Variants in NOS1AP observed in about 807,000 individuals in gnomAD.
NOS1AP encodes the protein carboxyl-terminal PDZ ligand of neuronal nitric oxide synthase protein.
NOS1AP carries 21 observed loss-of-function variants against 56.2 expected under a neutral mutation model. The ratio of observed to expected loss-of-function variants is 0.37; its 90% confidence interval spans 0.26 to 0.54. NOS1AP has a LOEUF of 0.54. NOS1AP is among the 20% of genes least tolerant of loss of function. The pLI is 0.84. For missense variants in NOS1AP, 522 were observed against 657.8 expected (o/e 0.79, Z 2.26); for synonymous variants, 270 against 274.6 (o/e 0.98, Z 0.17).
intron 6 of NOS1AP, among the ~76,000 whole-genome samples, chr1:162,351,840 C>T (rs1657507243): frequency 6.6e-6 from 1 of 152,094 alleles, no homozygotes; most frequent in Non-Finnish European, 1.5e-5. Flanking sequence ...GTCTTTCTGT[C>T]CACTCTTGAT....
chr1:162,333,195 G>A (rs899000299), intron 5 of NOS1AP, 70 bp downstream of exon 5: 32 of 1,048,856 alleles, frequency 3.1e-5, no homozygotes, highest in Middle Eastern at 2.0e-4. Context: ...ACATTGGCCC[G>A]TCTCCCTGTT....
intron 2 of NOS1AP, among the ~76,000 whole-genome samples, chr1:162,207,146 C>T (rs1652188843): frequency 6.6e-6 from 1 of 152,220 alleles, no homozygotes; most frequent in African/African-American, 2.4e-5. Flanking sequence ...CTTGTTTTAA[C>T]ATGGACCAGG....
intron 6 of NOS1AP, among the ~76,000 whole-genome samples, chr1:162,351,073 G>A (rs1657477411): frequency 6.6e-6 from 1 of 152,110 alleles, no homozygotes; most frequent in Non-Finnish European, 1.5e-5. Flanking sequence ...AAACATAAAT[G>A]GATTTCATGT....
At chr1:162,160,861 C>G (rs967785108) in intron 2 of NOS1AP, among the ~76,000 whole-genome samples, 1 of 152,154 alleles carries the variant, frequency 6.6e-6, no homozygotes, top group African/African-American at 2.4e-5. Context: ...CACAAACTTA[C>G]AGTTCTGGAG....
At chr1:162,108,755 T>TA (rs1315874772) in intron 1 of NOS1AP, among the ~76,000 whole-genome samples, 1 of 152,038 alleles carries the variant, frequency 6.6e-6, no homozygotes, top group East Asian at 1.9e-4. Flanking sequence ...AGGAATGTGT[T>TA]AAATAAAACT....
chr1:162,244,947 C>T (rs1653612281), intron 2 of NOS1AP, among the ~76,000 whole-genome samples: 1 of 152,172 alleles, frequency 6.6e-6, no homozygotes, highest in South Asian at 2.1e-4. Context: ...AGAAGATCTA[C>T]TTCCTAACTA....
At chr1:162,090,013 A>T (rs1692092428) in intron 1 of NOS1AP, among the ~76,000 whole-genome samples, 1 of 152,222 alleles carries the variant, frequency 6.6e-6, no homozygotes, top group African/African-American at 2.4e-5. Flanking sequence ...TTTAACCCTC[A>T]TTTAGTTTTT....
intron 2 of NOS1AP, among the ~76,000 whole-genome samples, chr1:162,218,139 A>G (rs1011537101): frequency 6.6e-6 from 1 of 152,194 alleles, no homozygotes; most frequent in African/African-American, 2.4e-5. Context: ...GATAAGTTCT[A>G]TTTTGGCTGA....
intron 1 of NOS1AP, among the ~76,000 whole-genome samples, chr1:162,092,254 C>T (rs1415257): frequency 0.51 from 77,136 of 151,984 alleles, 21,737 homozygotes; most frequent in Non-Finnish European, 0.64. Flanking sequence ...TTAGGAAGTT[C>T]AGTGTTTCAG....
At chr1:162,162,141 ATTTGAG>A (rs1650253788) in intron 2 of NOS1AP, among the ~76,000 whole-genome samples, 1 of 152,208 alleles carries the variant, frequency 6.6e-6, no homozygotes, top group African/African-American at 2.4e-5. Context: ...GAGCACTGTC[ATTTGAG>A]TTTATCATTC....
At chr1:162,319,145 C>T (rs1002333435) in intron 4 of NOS1AP, among the ~76,000 whole-genome samples, 1 of 152,138 alleles carries the variant, frequency 6.6e-6, no homozygotes, top group Non-Finnish European at 1.5e-5. Context: ...AACTGTAATT[C>T]TCACAACAGC....
At position 162,370,198 on chromosome 1, in the gene NOS1AP, A is replaced by C. The variant is rs1462274379; in HGVS notation, c.*2731A>C. ...TGAGATTAAAAATTATATTCCTTATATTCCTGCTTATATCAATGCTCTCTC... is the reference window on the plus strand; with the variant it reads ...TGAGATTAAAAATTATATTCCTTATCTTCCTGCTTATATCAATGCTCTCTC... On this transcript the variant is annotated 3_prime_UTR_variant, in exon 10 of 10. Coordinates refer to ENST00000361897, the MANE Select transcript of NOS1AP (RefSeq NM_014697.3). The C allele has an allele frequency of 6.6e-6, 1 of 152,186 alleles. No individual in the cohort carries two copies. The highest frequency in any genetic ancestry group is 1.9e-4 in the East Asian group (1 of 5,192). 9.4% of individuals were successfully genotyped at this position (152,186 alleles called of 1,614,324 possible).
Position 162,188,845 on chromosome 1 carries a change from A to T in NOS1AP, c.177+34369A>T, listed in dbSNP as rs1651527111. Among the ~76,000 whole-genome samples the T allele has an allele frequency of 6.6e-6, 1 of 152,188 alleles. No individual in the cohort carries two copies. Among genetic ancestry groups the T allele is most frequent in the Non-Finnish European group, 1.5e-5 (1 of 68,028 alleles). On this transcript the variant is annotated intron_variant, in intron 2 of 9. Transcript: ENST00000361897. The surrounding 1 kb of genome is among the most constrained non-coding windows in gnomAD (Gnocchi z 4.0). ...GAGGCGGGCGGATCACGAGATCAGG[A>T]GTTCGAGACCAGCCTGGCCAACCTG...
intron 3 of NOS1AP, among the ~76,000 whole-genome samples, chr1:162,289,297 C>CTTCT (rs544918128): frequency 1.6e-5 from 2 of 122,788 alleles, no homozygotes; most frequent in African/African-American, 6.4e-5. Flanking sequence ...TTCCTTCTTC[C>CTTCT]TTCTTTCTTT....
At chr1:162,270,393 G>A (rs374579840) in intron 2 of NOS1AP, among the ~76,000 whole-genome samples, 9 of 152,310 alleles carry the variant, frequency 5.9e-5, no homozygotes, top group African/African-American at 2.2e-4. Context: ...CAGTGTGGTT[G>A]AGAAGATGAG....
intron 2 of NOS1AP, among the ~76,000 whole-genome samples, chr1:162,260,199 T>A (rs1425277252): frequency 2.6e-5 from 4 of 152,096 alleles, no homozygotes; most frequent in African/African-American, 9.7e-5. Flanking sequence ...GGGAAGCAGA[T>A]TTATGTAGCA....
chr1:162,320,020 C>T (rs996493291), intron 4 of NOS1AP, among the ~76,000 whole-genome samples: 2 of 152,192 alleles, frequency 1.3e-5, no homozygotes, highest in Non-Finnish European at 2.9e-5. Flanking sequence ...CATCCTCCTC[C>T]GCGTTTCACT....
intron 4 of NOS1AP, among the ~76,000 whole-genome samples, chr1:162,328,557 A>G (rs979925573): frequency 6.6e-6 from 1 of 152,176 alleles, no homozygotes; most frequent in African/African-American, 2.4e-5. Flanking sequence ...GCACATACTC[A>G]TTCTTTAAAC....
At chr1:162,141,808 G>A (rs188840443) in intron 1 of NOS1AP, among the ~76,000 whole-genome samples, 5 of 152,150 alleles carry the variant, frequency 3.3e-5, no homozygotes, top group Admixed American at 6.6e-5. Flanking sequence ...TGCTGCTGCC[G>A]ATGTTAATGA....
Sources: gnomAD v4.1 joint callset for allele counts (sites outside exome capture counted in the v4.1 genomes callset) on GRCh38, gnomAD v4.1.1 for gene constraint, Gnocchi (gnomAD v3.1) non-coding constraint, MANE v1.5 for transcripts, NCBI Gene and HGNC (gene_info 2026-07-23, HGNC 2026-07-21) for gene names.